The following GRID2 variants were observed in gnomAD, a reference collection of about 807,000 sequenced individuals.
GRID2 encodes the protein glutamate ionotropic receptor delta type subunit 2.
In GRID2, 33 loss-of-function variants were observed where a neutral mutation model predicts 114.8. The observed-to-expected ratio is 0.29, with a 90% CI of 0.22 to 0.38. GRID2 has a LOEUF of 0.38. Ranked by LOEUF, GRID2 falls within the 10% of genes least tolerant of loss-of-function variation. GRID2 has a pLI of 1.00. For synonymous variants in GRID2, 505 were observed against 449.9 expected (o/e 1.12, Z -1.55); for missense variants, 1,184 against 1,257.7 (o/e 0.94, Z 0.89).
intron 2 of GRID2, among the ~76,000 whole-genome samples, chr4:92,769,020 G>C (rs1019920434): frequency 6.6e-6 from 1 of 152,132 alleles, no homozygotes; most frequent in Non-Finnish European, 1.5e-5. Context: ...TAACTCAGAA[G>C]TCCACAGTCA....
At position 93,216,765 on chromosome 4, in the gene GRID2, C is replaced by G; in HGVS notation, c.817C>G (p.Leu273Val). The part of the protein sequence containing the change: ...EEINDVDVQE[L>V]VRRSIGRLTI... ...AATAAACGATGTGGACGTACAGGAA[C>G]TTGTAAGAAGGTCAATTGGAAGGTT... is the stretch of plus-strand genomic sequence containing the variant. Residue 273 changes from leucine to valine, a missense_variant, in exon 6 of 16, where the codon CTT (leucine) becomes GTT (valine). This residue lies in a region of GRID2 where 455 missense variants were observed against 429.5 expected (regional missense o/e 1.06). Coordinates refer to ENST00000282020, the MANE Select transcript of GRID2 (RefSeq NM_001510.4). The G allele has an allele frequency of 6.2e-7, 1 of 1,611,572 alleles. No homozygotes were observed. The highest frequency in any genetic ancestry group is 8.5e-7 in the Non-Finnish European group (1 of 1,177,876).
At chr4:92,410,017 A>G (rs1457867278) in intron 1 of GRID2, among the ~76,000 whole-genome samples, 1 of 152,210 alleles carries the variant, frequency 6.6e-6, no homozygotes, top group Non-Finnish European at 1.5e-5. Context: ...GACTTCTCAG[A>G]TTTAATGAAT....
intron 14 of GRID2, among the ~76,000 whole-genome samples, chr4:93,652,582 C>T (rs75272682): frequency 0.13 from 19,030 of 151,632 alleles, 1,564 homozygotes; most frequent in East Asian, 0.44. Context: ...GTAGGCTATA[C>T]GGTCTAGGTT....
At chr4:93,272,841 G>A (rs1387054012) in intron 8 of GRID2, among the ~76,000 whole-genome samples, 3 of 152,098 alleles carry the variant, frequency 2.0e-5, no homozygotes, top group Non-Finnish European at 2.9e-5. Context: ...GTGGTCCTTC[G>A]CTGGTCTCAT....
intron 2 of GRID2, among the ~76,000 whole-genome samples, chr4:92,652,680 T>C (rs762626122): frequency 4.5e-5 from 6 of 134,232 alleles, no homozygotes; most frequent in African/African-American, 1.1e-4. Flanking sequence ...CTTAAAAATA[T>C]GTAATTTTGG....
chr4:93,328,168 T>C (rs960712942), intron 8 of GRID2, among the ~76,000 whole-genome samples: 1 of 152,034 alleles, frequency 6.6e-6, no homozygotes, highest in South Asian at 2.1e-4. Flanking sequence ...GCAAGCAATA[T>C]GCACTTTTAA....
Position 93,042,275 on chromosome 4 carries a change from T to TTCTCTC in GRID2, c.245-42700_245-42695dup, listed in dbSNP as rs533042666. 1.0e-4 allele frequency among the ~76,000 whole-genome samples: 13 copies of TTCTCTC among 125,618 alleles called. No individual in the cohort carries two copies. The South Asian group carries it at 1.6e-3, about 15-fold the overall frequency. 82.4% of individuals were successfully genotyped at this position (125,618 alleles called of 152,430 possible). A position where few individuals can be genotyped will look rare whatever the true frequency, so the allele number is the denominator to read the frequency against. ...TCTCTCTCTCTCTCTCTCTCTCTCTTTCTCTCTCTCTCTCTCTCTCTCTCT... is the reference window on the plus strand; with the variant it reads ...TCTCTCTCTCTCTCTCTCTCTCTCTTTCTCTCTCTCTCTCTCTCTCTCTCTCTCTCT... On this transcript the variant is annotated intron_variant, in intron 2 of 15. Coordinates refer to ENST00000282020, the MANE Select transcript of GRID2 (RefSeq NM_001510.4).
chr4:93,480,149 A>G (rs1056465358), intron 11 of GRID2, among the ~76,000 whole-genome samples: 7 of 152,132 alleles, frequency 4.6e-5, no homozygotes, highest in Admixed American at 1.3e-4. Flanking sequence ...AACTAGGAGA[A>G]TACTTAAATA....
chr4:93,181,524 T>G (rs1033712087), intron 4 of GRID2, among the ~76,000 whole-genome samples: 5 of 152,186 alleles, frequency 3.3e-5, no homozygotes, highest in Non-Finnish European at 7.4e-5. Context: ...GACTTTCTGG[T>G]TATGAAAGTC....
chr4:93,227,679 C>T (rs1022598638), intron 7 of GRID2, among the ~76,000 whole-genome samples: 3 of 152,190 alleles, frequency 2.0e-5, no homozygotes, highest in Non-Finnish European at 4.4e-5. Flanking sequence ...CAGGCAGAAG[C>T]CTGAATGCTC....
intron 5 of GRID2, among the ~76,000 whole-genome samples, chr4:93,211,120 T>G (rs1283950602): frequency 6.6e-6 from 1 of 152,046 alleles, no homozygotes; most frequent in African/African-American, 2.4e-5. Flanking sequence ...ACCCCTTAAT[T>G]AATTTTTTTT....
At chr4:93,711,775 G>A (rs1001412025) in intron 14 of GRID2, among the ~76,000 whole-genome samples, 6 of 152,192 alleles carry the variant, frequency 3.9e-5, no homozygotes, top group African/African-American at 7.2e-5. Flanking sequence ...GGGCATGGGC[G>A]GGTGGTGGTG....
chr4:92,556,533 C>G (rs1726857981), intron 1 of GRID2, among the ~76,000 whole-genome samples: 1 of 151,976 alleles, frequency 6.6e-6, no homozygotes, highest in African/African-American at 2.4e-5. Flanking sequence ...CTTAATGGCT[C>G]ACAGCATCAA....
chr4:92,770,123 C>T (rs1738469021), intron 2 of GRID2, among the ~76,000 whole-genome samples: 1 of 152,158 alleles, frequency 6.6e-6, no homozygotes, highest in South Asian at 2.1e-4. Context: ...GAAATTTCTT[C>T]CACAAGATAG....
intron 13 of GRID2, among the ~76,000 whole-genome samples, chr4:93,546,082 G>A (rs896010201): frequency 2.0e-5 from 3 of 152,232 alleles, no homozygotes; most frequent in Non-Finnish European, 2.9e-5. Flanking sequence ...ATATAATTTG[G>A]AGATTGCTCT....
intron 14 of GRID2, among the ~76,000 whole-genome samples, chr4:93,682,471 C>A (rs1725656975): frequency 6.6e-6 from 1 of 151,902 alleles, no homozygotes; most frequent in Admixed American, 6.6e-5. Flanking sequence ...GCTATAAAGA[C>A]ACATGCACAT....
intron 8 of GRID2, among the ~76,000 whole-genome samples, chr4:93,339,177 G>A (rs1759386457): frequency 6.6e-6 from 1 of 152,168 alleles, no homozygotes. Context: ...TTCTGTGTCA[G>A]TGACTGTTAT....
chr4:93,611,890 G>T (rs1291741335), intron 13 of GRID2, among the ~76,000 whole-genome samples: 2 of 151,566 alleles, frequency 1.3e-5, no homozygotes, highest in African/African-American at 2.4e-5. Flanking sequence ...CTGTCTCATG[G>T]ATCTGTCTAA....
chr4:93,070,822 T>G (rs773019115), intron 2 of GRID2, among the ~76,000 whole-genome samples: 7 of 152,198 alleles, frequency 4.6e-5, no homozygotes, highest in Non-Finnish European at 7.4e-5. Context: ...GTTTACAGAA[T>G]AAACAGGCAA....
Sources: gnomAD v4.1 joint callset for allele counts (sites outside exome capture counted in the v4.1 genomes callset) on GRCh38, gnomAD v4.1.1 for gene constraint, gnomAD v4.1.1 regional missense constraint, MANE v1.5 for transcripts, NCBI Gene and HGNC (gene_info 2026-07-23, HGNC 2026-07-21) for gene names.